Variants in CDCA7L observed in about 807,000 individuals in gnomAD.
CDCA7L encodes the protein cell division cycle-associated 7-like protein.
A neutral mutation model predicts 57.4 loss-of-function variants in CDCA7L; 44 were observed. The observed-to-expected ratio is 0.77, with a 90% CI of 0.60 to 0.98. The LOEUF (loss-of-function observed/expected upper bound fraction) is 0.98, where lower values mean the gene tolerates loss of function less well. Ranked by LOEUF, CDCA7L falls within the 50% of genes least tolerant of loss-of-function variation. The pLI is 0.00. For missense variants in CDCA7L, 644 were observed against 580.6 expected, an observed-to-expected ratio of 1.11 and a Z score of -1.12; for synonymous variants, 236 against 202.8, an observed-to-expected ratio of 1.16 and a Z score of -1.39.
At chr7:21,935,582 CA>C (rs1786136205) in intron 1 of CDCA7L, among the ~76,000 whole-genome samples, 1 of 109,310 alleles carries the variant, frequency 9.1e-6, no homozygotes, top group Non-Finnish European at 1.9e-5. Flanking sequence ...TCAATGAAGC[CA>C]AAAGTTTATT....
At chr7:21,939,938 T>A in intron 1 of CDCA7L, among the ~76,000 whole-genome samples, 1 of 119,744 alleles carries the variant, frequency 8.4e-6, no homozygotes. Context: ...CAAACAACCC[T>A]AAATCTCAAT....
intron 7 of CDCA7L, 66 bp from the exon 8 acceptor site, chr7:21,904,325 C>T: frequency 7.0e-7 from 1 of 1,425,216 alleles, no homozygotes; most frequent in Non-Finnish European, 9.4e-7. Context: ...GGCCAGATGC[C>T]ACCATGTGCA....
At position 21,901,188 on chromosome 7, in the gene CDCA7L, G is replaced by C; in HGVS notation, c.*1134C>G. ...GCCCCAGCTACATCTGGACCTTCAG[G>C]CTGAAGAGCGAAGAGAAGACTGCAA... On this transcript the variant is annotated 3_prime_UTR_variant, in exon 10 of 10. Transcript: ENST00000406877. The C allele has an allele frequency of 5.6e-6, 9 of 1,613,420 alleles. No individual in the cohort carries two copies. Among genetic ancestry groups the C allele is most frequent in the Non-Finnish European group, 7.6e-6 (9 of 1,179,652 alleles).
At position 21,902,166 on chromosome 7, in the gene CDCA7L, TA is replaced by T; in HGVS notation, c.*155del. 1.4e-6 allele frequency: 1 copy of T among 721,742 alleles called. No individual in the cohort carries two copies. The highest frequency in any genetic ancestry group is 2.4e-6 in the Non-Finnish European group (1 of 416,388). 44.7% of individuals were successfully genotyped at this position (721,742 alleles called of 1,614,324 possible). A position where few individuals can be genotyped will look rare whatever the true frequency, so the allele number is the denominator to read the frequency against. ...CTGCTGTCTTCCTGAGAAATCTTTG[TA>T]AGCATATAAACAATCTTTAACAAAA... On this transcript the variant is annotated 3_prime_UTR_variant, in exon 10 of 10. Coordinates refer to ENST00000406877, the MANE Select transcript of CDCA7L (RefSeq NM_018719.5).
intron 1 of CDCA7L, chr7:21,944,530 T>C (rs1315580587): frequency 1.3e-5 from 2 of 150,482 alleles, no homozygotes; most frequent in South Asian, 2.1e-4. Context: ...CCCTGTCTCA[T>C]TCCGTAGGCT....
chr7:21,916,514 TAAAAAAAA>T (rs71557529), intron 2 of CDCA7L, among the ~76,000 whole-genome samples: 1 of 105,150 alleles, frequency 9.5e-6, no homozygotes, highest in African/African-American at 3.7e-5. Flanking sequence ...TCCCTTTATT[TAAAAAAAA>T]AAAAAAAAAA....
In CDCA7L at chr7:21,902,971, T is replaced by G. The variant is rs201737832; in HGVS notation, c.1334+7A>C. 1.2e-4 allele frequency: 188 copies of G among 1,613,396 alleles called. 1 individual carries two copies. The Admixed American group carries it at 2.9e-3, about 25-fold the overall frequency. ...GCTGTTTTGTAAGCTGCTAGAGACT[T>G]ACTTACCTCTCCAGATATTCCTTAA... On this transcript the variant is annotated splice_region_variant and intron_variant, in intron 9 of 9. Coordinates refer to ENST00000406877, the MANE Select transcript of CDCA7L (RefSeq NM_018719.5).
chr7:21,922,537 A>G (rs375067516), intron 1 of CDCA7L, among the ~76,000 whole-genome samples: 5 of 152,296 alleles, frequency 3.3e-5, no homozygotes, highest in East Asian at 3.9e-4. Context: ...CTGGATCTCA[A>G]ACTTGTTCAG....
chr7:21,903,119 C>CAGAGAGATGA lies in CDCA7L; in HGVS notation c.1198-15_1198-6dup. On this transcript the variant is annotated splice_polypyrimidine_tract_variant and splice_region_variant and intron_variant, in intron 8 of 9. Transcript: ENST00000406877. Reference sequence around the variant, plus strand: ...ACAGGGGGGACACACCCAATCCTAACAGAGAGATGACAGCAGACACTTCGC... The same window carrying CAGAGAGATGA: ...ACAGGGGGGACACACCCAATCCTAACAGAGAGATGAAGAGAGATGACAGCAGACACTTCGC... The CAGAGAGATGA allele has an allele frequency of 2.5e-6, 4 of 1,612,618 alleles. No homozygotes were observed. The highest frequency in any genetic ancestry group is 3.4e-6 in the Non-Finnish European group (4 of 1,179,520).
chr7:21,911,222 G>A (rs1785315865), intron 3 of CDCA7L, among the ~76,000 whole-genome samples: 1 of 151,462 alleles, frequency 6.6e-6, no homozygotes, highest in Non-Finnish European at 1.5e-5. Context: ...GAGAGATGGG[G>A]TTTCACCATA....
At chr7:21,944,744 ACT>A (rs1468663155) in intron 1 of CDCA7L, 1 of 151,888 alleles carries the variant, frequency 6.6e-6, no homozygotes, top group Non-Finnish European at 1.5e-5. Context: ...GGCGCCGGGC[ACT>A]CTGCGCCTTC....
At chr7:21,904,694 T>C (rs567977861) in intron 7 of CDCA7L, among the ~76,000 whole-genome samples, 14 of 152,214 alleles carry the variant, frequency 9.2e-5, no homozygotes, top group Admixed American at 3.3e-4. Flanking sequence ...GCCCCCCAAA[T>C]CCATGGAAAA....
rs1784999139 is a variant in CDCA7L, at chr7:21,903,215, CT to C, written c.1198-102del. The C allele has an allele frequency of 1.7e-5, 19 of 1,130,538 alleles. 1 individual carries two copies. The South Asian group carries it at 3.0e-4, about 18-fold the overall frequency. 70.0% of individuals were successfully genotyped at this position (1,130,538 alleles called of 1,614,324 possible). ...TGGCTCAGCTGGCCTCTCCTCCAAC[CT>C]TTAATCACATGGCATCTTTCAGTCT... On this transcript the variant is annotated intron_variant, in intron 8 of 9. Transcript: ENST00000406877.
chr7:21,913,192 G>A (rs1270189289), intron 2 of CDCA7L, among the ~76,000 whole-genome samples: 1 of 152,158 alleles, frequency 6.6e-6, no homozygotes, highest in Non-Finnish European at 1.5e-5. Context: ...AAAACTTACA[G>A]GGGCACACAG....
In CDCA7L at chr7:21,908,408, A is replaced by T. The variant is rs752469383; in HGVS notation, c.403T>A (p.Ser135Thr). The T allele has an allele frequency of 6.2e-7, 1 of 1,601,060 alleles. No homozygotes were observed. Among genetic ancestry groups the T allele is most frequent in the Non-Finnish European group, 8.5e-7 (1 of 1,176,604 alleles). Residue 135 changes from serine (S) to threonine (T), a missense_variant, in exon 4 of 10, where the codon TCT becomes ACT. Coordinates refer to ENST00000406877, the MANE Select transcript of CDCA7L (RefSeq NM_018719.5). ...EDKATPRRSR[S>T]RRSSIGLRVA... ...CGAAGACCAATACTACTTCTTCTAGACCTGCTTCTTCTAGGGGTAGCCTTA... is the reference window on the plus strand; with the variant it reads ...CGAAGACCAATACTACTTCTTCTAGTCCTGCTTCTTCTAGGGGTAGCCTTA...
Position 21,901,157 on chromosome 7 carries a change from T to A in CDCA7L, c.*1165A>T. ...GAGTGCCCTGTGTATAGAACCAAAC[T>A]GAGAGGCCCCAGCTACATCTGGACC... On this transcript the variant is annotated 3_prime_UTR_variant, in exon 10 of 10. Transcript: ENST00000406877. 2 of 1,613,800 alleles carry A rather than the reference T, an allele frequency of 1.2e-6. No individual in the cohort carries two copies.
intron 1 of CDCA7L, among the ~76,000 whole-genome samples, chr7:21,932,033 G>T (rs530939477): frequency 1.3e-5 from 2 of 152,132 alleles, no homozygotes; most frequent in Admixed American, 1.3e-4. Context: ...GCAAAATCAT[G>T]AGTGAACTCT....
Position 21,920,441 on chromosome 7 carries a change from A to T in CDCA7L, c.25-3547T>A, listed in dbSNP as rs145730353. Among the ~76,000 whole-genome samples, 136 of 152,362 alleles carry T rather than the reference A, an allele frequency of 8.9e-4. 1 individual carries two copies. In the East Asian group the frequency reaches 0.019, roughly 22 times the overall value. On this transcript the variant is annotated intron_variant, in intron 1 of 9. Coordinates refer to ENST00000406877, the MANE Select transcript of CDCA7L (RefSeq NM_018719.5). ...CCTTATTTTAATGCTTCTTGATTAA[A>T]AATAATTAGAAAATAATGGTTCAAT...
At chr7:21,911,364 G>A (rs1160076835) in intron 3 of CDCA7L, among the ~76,000 whole-genome samples, 14 of 151,948 alleles carry the variant, frequency 9.2e-5, no homozygotes, top group Non-Finnish European at 1.5e-5. Context: ...AATAAAGGAC[G>A]CCTGGGACAC....
Sources: allele counts gnomAD v4.1 joint callset (sites outside exome capture counted in the v4.1 genomes callset), GRCh38; gene constraint gnomAD v4.1.1; transcripts MANE v1.5; gene names NCBI Gene and HGNC (gene_info 2026-07-23, HGNC 2026-07-21).